Variants in GPC6 observed in about 807,000 individuals in gnomAD.
GPC6 encodes glypican-6.
Under a neutral mutation model 55.2 loss-of-function variants are expected in GPC6, and 14 were observed. The observed-to-expected ratio is 0.25, with a 90% CI of 0.17 to 0.40. The LOEUF is 0.40. Ranked by LOEUF, GPC6 falls within the 10% of genes least tolerant of loss-of-function variation. The pLI, the probability that GPC6 is intolerant of heterozygous loss-of-function variation, is 1.00. For missense variants in GPC6, 641 were observed against 708.5 expected, an observed-to-expected ratio of 0.90 and a Z score of 1.08; for synonymous variants, 278 against 259.6, an observed-to-expected ratio of 1.07 and a Z score of -0.68.
At chr13:94,274,173 C>T (rs377758909) in intron 4 of GPC6, among the ~76,000 whole-genome samples, 112 of 152,312 alleles carry the variant, frequency 7.4e-4, no homozygotes, top group Admixed American at 1.8e-3. Flanking sequence ...AATTCCTGCA[C>T]TGTGTGAGGA....
chr13:94,294,484 A>G (rs990888953), intron 5 of GPC6, among the ~76,000 whole-genome samples: 3 of 151,694 alleles, frequency 2.0e-5, no homozygotes, highest in Non-Finnish European at 4.4e-5. Flanking sequence ...AGAGAATGTA[A>G]TAACTTCTGT....
chr13:94,284,424 T>G (rs1009436229), intron 4 of GPC6, among the ~76,000 whole-genome samples: 1 of 151,940 alleles, frequency 6.6e-6, no homozygotes, highest in Non-Finnish European at 1.5e-5. Context: ...GAACTGGGGA[T>G]GGGGGTTATT....
chr13:93,334,817 T>C (rs915596277), intron 1 of GPC6, among the ~76,000 whole-genome samples: 8 of 152,242 alleles, frequency 5.3e-5, no homozygotes, highest in Non-Finnish European at 8.8e-5. Context: ...TATTTATTTA[T>C]ATTTTAAAAT....
intron 6 of GPC6, among the ~76,000 whole-genome samples, chr13:94,306,881 A>C (rs1298163164): frequency 6.6e-6 from 1 of 152,258 alleles, no homozygotes; most frequent in Non-Finnish European, 1.5e-5. Context: ...TACAATTGTT[A>C]GTGCTATTAA....
chr13:93,420,813 A>T (rs574081568), intron 1 of GPC6, among the ~76,000 whole-genome samples: 1 of 152,260 alleles, frequency 6.6e-6, no homozygotes, highest in East Asian at 1.9e-4. Context: ...TACCATGGTT[A>T]TTAAGGTAAG....
chr13:93,624,989 A>G (rs751479986), intron 2 of GPC6, among the ~76,000 whole-genome samples: 1 of 152,218 alleles, frequency 6.6e-6, no homozygotes, highest in Non-Finnish European at 1.5e-5. Context: ...ATTGTTTTCT[A>G]TGACATTATT....
At chr13:94,283,304 G>T (rs1244316272) in intron 4 of GPC6, among the ~76,000 whole-genome samples, 1 of 152,212 alleles carries the variant, frequency 6.6e-6, no homozygotes. Flanking sequence ...CACCACTGAG[G>T]TATATACTGT....
At chr13:93,588,034 A>G (rs1412561248) in intron 2 of GPC6, among the ~76,000 whole-genome samples, 3 of 152,168 alleles carry the variant, frequency 2.0e-5, no homozygotes, top group South Asian at 4.1e-4. Context: ...TCTAAAGTCA[A>G]TGAGGTAGGA....
rs1874711643 is a variant in GPC6 at position 94,288,818 on chromosome 13, A to AATATATATATTTGTTATATATAATAAAT, written c.1008+2362_1008+2363insTAAATATATATATATTTGTTATATATAA. On this transcript the variant is annotated intron_variant, in intron 5 of 8. Coordinates refer to ENST00000377047, the MANE Select transcript of GPC6 (RefSeq NM_005708.5). ...ATATATATATTTGTTATATATAATA[A>AATATATATATTTGTTATATATAATAAAT]ATATATATATTTGTTATATATAACA... Among the ~76,000 whole-genome samples, 6 of 95,960 alleles carry AATATATATATTTGTTATATATAATAAAT rather than the reference A, an allele frequency of 6.3e-5. 1 individual carries two copies. The highest frequency in any genetic ancestry group is 5.6e-4 in the South Asian group (2 of 3,570). The allele number at this position is 95,960 out of a possible 152,430, so 63.0% of individuals were successfully genotyped here.
chr13:94,036,657 G>A (rs182954025), intron 4 of GPC6, among the ~76,000 whole-genome samples: 69 of 152,106 alleles, frequency 4.5e-4, no homozygotes, highest in Non-Finnish European at 7.2e-4. Flanking sequence ...AGTTTTAGAA[G>A]TAACAATGGC....
At chr13:93,416,465 C>A (rs185711868) in intron 1 of GPC6, among the ~76,000 whole-genome samples, 1 of 152,100 alleles carries the variant, frequency 6.6e-6, no homozygotes, top group East Asian at 1.9e-4. Flanking sequence ...TGTTTTGATA[C>A]AGGCATGCAA....
intron 6 of GPC6, among the ~76,000 whole-genome samples, chr13:94,338,102 G>A (rs1374960214): frequency 6.6e-6 from 1 of 152,190 alleles, no homozygotes; most frequent in East Asian, 1.9e-4. Flanking sequence ...TTCTTCCTTA[G>A]CAACAATCGT....
At position 94,121,779 on chromosome 13, in the gene GPC6, A is replaced by T. The variant is rs144350639; in HGVS notation, c.877+93885A>T. On this transcript the variant is annotated intron_variant, in intron 4 of 8. Transcript: ENST00000377047. Reference sequence around the variant, plus strand: ...GTACTTCCTCTTAATCTTAAAATAGAGCTGTACATTGCACCTCTCCAGGGT... The same window carrying T: ...GTACTTCCTCTTAATCTTAAAATAGTGCTGTACATTGCACCTCTCCAGGGT... Among the ~76,000 whole-genome samples the T allele has an allele frequency of 2.2e-4, 34 of 152,218 alleles. 1 individual carries two copies. In the East Asian group the frequency reaches 4.3e-3, roughly 19 times the overall value.
chr13:94,225,547 C>T (rs866285663), intron 4 of GPC6, among the ~76,000 whole-genome samples: 13 of 151,900 alleles, frequency 8.6e-5, no homozygotes, highest in African/African-American at 3.1e-4. Flanking sequence ...GAAATCCACG[C>T]AGTGTTTAAT....
chr13:93,831,691 A>G (rs1326408027), intron 3 of GPC6, among the ~76,000 whole-genome samples: 1 of 152,064 alleles, frequency 6.6e-6, no homozygotes, highest in Non-Finnish European at 1.5e-5. Flanking sequence ...TTAATTTCCT[A>G]AACGTTTATT....
At chr13:93,933,304 A>G (rs1363375400) in intron 3 of GPC6, among the ~76,000 whole-genome samples, 1 of 152,162 alleles carries the variant, frequency 6.6e-6, no homozygotes, top group Non-Finnish European at 1.5e-5. Flanking sequence ...GAGGCCAAGA[A>G]TTCTGCCAAA....
chr13:93,283,820 A>G (rs1409800096), intron 1 of GPC6, among the ~76,000 whole-genome samples: 1 of 152,200 alleles, frequency 6.6e-6, no homozygotes, highest in Admixed American at 6.5e-5. Flanking sequence ...ACATCCTGAT[A>G]TTTCTCTTCA....
At chr13:94,265,500 G>A (rs1408180497) in intron 4 of GPC6, among the ~76,000 whole-genome samples, 1 of 152,094 alleles carries the variant, frequency 6.6e-6, no homozygotes, top group Non-Finnish European at 1.5e-5. Context: ...AGGGTGGATC[G>A]GCCTTTCCCA....
At chr13:94,184,346 T>C (rs78964102) in intron 4 of GPC6, among the ~76,000 whole-genome samples, 1,727 of 149,738 alleles carry the variant, frequency 0.012, 25 homozygotes, top group African/African-American at 0.04. Flanking sequence ...CTAGAGTAAA[T>C]AGACAACCTA....
Sources: gnomAD v4.1 joint callset for allele counts (sites outside exome capture counted in the v4.1 genomes callset) on GRCh38, gnomAD v4.1.1 for gene constraint, MANE v1.5 for transcripts, NCBI Gene and HGNC (gene_info 2026-07-23, HGNC 2026-07-21) for gene names.